The following CEP128 variants were observed in gnomAD, a reference collection of about 807,000 sequenced individuals.
The protein encoded by CEP128 is centrosomal protein 128.
In CEP128, 132 loss-of-function variants were observed where a neutral mutation model predicts 156.7. The observed-to-expected ratio is 0.84, with a 90% CI of 0.73 to 0.97. The LOEUF (loss-of-function observed/expected upper bound fraction) is 0.97, where lower values mean the gene tolerates loss of function less well. CEP128 is among the 50% of genes least tolerant of loss of function. The pLI is 0.00. For missense variants in CEP128, 1,252 were observed against 1,281.9 expected, an observed-to-expected ratio of 0.98 and a Z score of 0.36; for synonymous variants, 469 against 448.9, an observed-to-expected ratio of 1.04 and a Z score of -0.57.
chr14:80,810,741 CCA>C (rs1566642937), intron 13 of CEP128, among the ~76,000 whole-genome samples: 1 of 152,048 alleles, frequency 6.6e-6, no homozygotes, highest in African/African-American at 2.4e-5. Context: ...TGGTAGAATT[CCA>C]CAGTGAACCC....
chr14:80,509,910 A>T (rs1888165787), intron 23 of CEP128, among the ~76,000 whole-genome samples: 1 of 152,056 alleles, frequency 6.6e-6, no homozygotes, highest in South Asian at 2.1e-4. Flanking sequence ...GTTCTTGGAA[A>T]CTGTCAAAAA....
At chr14:80,902,077 G>A (rs1306224585) in intron 6 of CEP128, among the ~76,000 whole-genome samples, 3 of 152,138 alleles carry the variant, frequency 2.0e-5, no homozygotes, top group Admixed American at 2.0e-4. Context: ...CCTTTCTTCA[G>A]GAAGCCCTCC....
chr14:80,895,771 T>C lies in CEP128; in HGVS notation c.592A>G (p.Arg198Gly), dbSNP rs369445029. The change falls in exon 8 of 25, where the codon AGG becomes GGG. Residue 198 changes from arginine (R) to glycine (G), a missense_variant. Transcript: ENST00000555265. The part of the protein sequence containing the change: ...RRSRSDAETK[R>G]ALEELTEKLN... ...TTTTCAGTCAATTCTTCCAAAGCCC[T>C]TTTTGTTTCGGCATCTGACCTAGGA... The C allele has an allele frequency of 1.1e-4, 179 of 1,561,132 alleles. 2 individuals are homozygous for C. The East Asian group carries it at 3.2e-3, about 28-fold the overall frequency.
intron 8 of CEP128, among the ~76,000 whole-genome samples, chr14:80,886,568 C>T (rs1288946212): frequency 6.6e-6 from 1 of 152,188 alleles, no homozygotes; most frequent in Non-Finnish European, 1.5e-5. Flanking sequence ...CCTTTACAAA[C>T]AAGCAAATGC....
chr14:80,647,011 A>ATATATATGTGTG (rs1233103116), intron 19 of CEP128, among the ~76,000 whole-genome samples: 9 of 72,526 alleles, frequency 1.2e-4, no homozygotes, highest in East Asian at 7.6e-4. Flanking sequence ...ATATATATAT[A>ATATATATGTGTG]TGTGTGTGTA....
At chr14:80,667,749 T>C (rs1374503337) in intron 19 of CEP128, among the ~76,000 whole-genome samples, 3 of 149,830 alleles carry the variant, frequency 2.0e-5, no homozygotes, top group African/African-American at 7.4e-5. Context: ...TCCCAGCTAC[T>C]CGGGAGGCTG....
chr14:80,754,459 CTTTTTTTTTT>C (rs758603562), intron 18 of CEP128, among the ~76,000 whole-genome samples: 3 of 104,808 alleles, frequency 2.9e-5, no homozygotes, highest in Non-Finnish European at 3.9e-5. Flanking sequence ...ATGTCCTGTT[CTTTTTTTTTT>C]TTTTTTTTTT....
intron 7 of CEP128, among the ~76,000 whole-genome samples, chr14:80,897,689 C>G (rs1348700781): frequency 6.6e-6 from 1 of 152,170 alleles, no homozygotes; most frequent in Admixed American, 6.5e-5. Context: ...AAACAAACCC[C>G]TGTCCATCTC....
intron 13 of CEP128, among the ~76,000 whole-genome samples, chr14:80,818,627 T>A (rs973461627): frequency 2.0e-5 from 3 of 152,218 alleles, no homozygotes; most frequent in Non-Finnish European, 4.4e-5. Context: ...AGGTCATGTG[T>A]AGTAAAATGT....
chr14:80,823,795 T>C (rs1052924247), intron 13 of CEP128, among the ~76,000 whole-genome samples: 1 of 152,192 alleles, frequency 6.6e-6, no homozygotes, highest in African/African-American at 2.4e-5. Context: ...AGGTACACAG[T>C]GCAAGCTGTT....
intron 19 of CEP128, among the ~76,000 whole-genome samples, chr14:80,588,207 A>G (rs879918009): frequency 1.3e-5 from 2 of 152,126 alleles, no homozygotes; most frequent in Admixed American, 6.6e-5. Flanking sequence ...TAAGAGTAAA[A>G]CAGACCTCAG....
At chr14:80,759,306 T>C (rs905296578) in intron 17 of CEP128, among the ~76,000 whole-genome samples, 1 of 152,196 alleles carries the variant, frequency 6.6e-6, no homozygotes, top group Non-Finnish European at 1.5e-5. Context: ...TTCTAATCTA[T>C]TCCATAGCAC....
intron 4 of CEP128, among the ~76,000 whole-genome samples, chr14:80,909,827 G>C (rs1011860838): frequency 1.3e-5 from 2 of 152,068 alleles, no homozygotes; most frequent in Admixed American, 6.5e-5. Context: ...GACAAAGTAC[G>C]AAGTCATAAA....
intron 14 of CEP128, among the ~76,000 whole-genome samples, chr14:80,789,153 A>G (rs1396397788): frequency 1.3e-5 from 2 of 152,162 alleles, no homozygotes; most frequent in African/African-American, 4.8e-5. Flanking sequence ...AGAAGAAAGA[A>G]ATTGAAGATG....
chr14:80,868,379 GA>G (rs1194849217), intron 8 of CEP128, among the ~76,000 whole-genome samples: 5 of 152,086 alleles, frequency 3.3e-5, no homozygotes, highest in African/African-American at 4.8e-5. Context: ...TGTAAAATGG[GA>G]GGGGAAGTTA....
intron 8 of CEP128, among the ~76,000 whole-genome samples, chr14:80,873,510 T>C (rs1389669906): frequency 6.6e-6 from 1 of 152,162 alleles, no homozygotes; most frequent in Non-Finnish European, 1.5e-5. Flanking sequence ...ACTATGCAAA[T>C]TGGTACTATT....
At chr14:80,902,182 T>C (rs1232726058) in intron 6 of CEP128, among the ~76,000 whole-genome samples, 2 of 152,214 alleles carry the variant, frequency 1.3e-5, no homozygotes, top group African/African-American at 4.8e-5. Flanking sequence ...GTTGTATTTA[T>C]GTATTTATTT....
intron 9 of CEP128, among the ~76,000 whole-genome samples, chr14:80,845,808 C>T (rs11159475): frequency 0.12 from 18,119 of 152,122 alleles, 1,568 homozygotes; most frequent in East Asian, 0.45. Context: ...TTACTATGCA[C>T]TCAGTAGTTG....
At position 80,789,076 on chromosome 14, in the gene CEP128, GAGA is replaced by G. The variant is rs572451657; in HGVS notation, c.1561-3534_1561-3532del. On this transcript the variant is annotated intron_variant, in intron 14 of 24. Coordinates refer to ENST00000555265, the MANE Select transcript of CEP128 (RefSeq NM_152446.5). The stretch of plus-strand genomic sequence containing the variant: ...TGGAAGTTTTGCTGTTACTGTTAAG[GAGA>G]AGGAGTGGAAAAAGTGGAAAGTCGG... Among the ~76,000 whole-genome samples, 642 of 152,248 alleles carry G rather than the reference GAGA, an allele frequency of 4.2e-3. 9 individuals carry two copies. The highest frequency in any genetic ancestry group is 0.015 in the African/African-American group (612 of 41,548).
Sources: allele counts gnomAD v4.1 joint callset (sites outside exome capture counted in the v4.1 genomes callset), GRCh38; gene constraint gnomAD v4.1.1; transcripts MANE v1.5; gene names NCBI Gene and HGNC (gene_info 2026-07-23, HGNC 2026-07-21).